Variants in IBSP observed in about 807,000 individuals in gnomAD.
IBSP encodes integrin-binding sialoprotein.
In IBSP, 19 loss-of-function variants were observed where a neutral mutation model predicts 25.5. The observed-to-expected ratio is 0.74, with a 90% confidence interval of 0.52 to 1.09. The LOEUF (loss-of-function observed/expected upper bound fraction) is 1.09, where lower values mean the gene tolerates loss of function less well. Ranked by LOEUF, IBSP falls within the 50% of genes least tolerant of loss-of-function variation. The pLI, the probability that IBSP is intolerant of heterozygous loss-of-function variation, is 0.00. For missense variants in IBSP, 360 were observed against 382.3 expected (o/e 0.94, Z 0.49); for synonymous variants, 144 against 137.6 (o/e 1.05, Z -0.33).
intron 4 of IBSP, among the ~76,000 whole-genome samples, chr4:87,804,773 A>C (rs1015618749): frequency 6.6e-6 from 1 of 152,206 alleles, no homozygotes; most frequent in Non-Finnish European, 1.5e-5. Flanking sequence ...ACAGCTTTTA[A>C]AGTGTTCTCA....
intron 1 of IBSP, among the ~76,000 whole-genome samples, chr4:87,800,516 A>G (rs1721998218): frequency 6.6e-6 from 1 of 152,170 alleles, no homozygotes; most frequent in Non-Finnish European, 1.5e-5. Context: ...GGGCTTGGTC[A>G]CGGCTGGCAA....
chr4:87,810,830 T>G, intron 6 of IBSP, 66 bp downstream of exon 6: 1 of 1,431,628 alleles, frequency 7.0e-7, no homozygotes, highest in Non-Finnish European at 9.7e-7. Context: ...ATGTTCAATC[T>G]TTTTTAAACT....
At position 87,811,461 on chromosome 4, in the gene IBSP, G is replaced by T. The variant is rs1560528389; in HGVS notation, c.505G>T (p.Val169Leu). Residue 169 changes from valine to leucine, a missense_variant, in exon 7 of 7, where the codon GTG becomes TTG. Val to Leu is a conservative substitution (Grantham distance 32). Transcript: ENST00000226284. Reference sequence around the variant, plus strand: ...TGAAAACGAAGAAAGCGAAGCAGAAGTGGATGAAAACGAACAAGGCATAAA... The same window carrying T: ...TGAAAACGAAGAAAGCGAAGCAGAATTGGATGAAAACGAACAAGGCATAAA... ...GNENEESEAE[V>L]DENEQGINGT... The T allele has an allele frequency of 1.2e-6, 2 of 1,614,002 alleles. No individual in the cohort carries two copies. Among genetic ancestry groups the T allele is most frequent in the Non-Finnish European group, 1.7e-6 (2 of 1,179,960 alleles).
intron 5 of IBSP, among the ~76,000 whole-genome samples, chr4:87,808,392 A>G (rs1163680816): frequency 6.6e-6 from 1 of 152,138 alleles, no homozygotes; most frequent in Non-Finnish European, 1.5e-5. Context: ...CATGTTAGCC[A>G]GGATGGTCTT....
At chr4:87,810,293 T>C (rs1158894397) in intron 5 of IBSP, among the ~76,000 whole-genome samples, 1 of 152,206 alleles carries the variant, frequency 6.6e-6, no homozygotes, top group Non-Finnish European at 1.5e-5. Flanking sequence ...GAGTGTTTAG[T>C]TTCTTCTTTG....
Position 87,811,976 on chromosome 4 carries a change from C to T in IBSP, c.*66C>T, listed in dbSNP as rs1203083236. On this transcript the variant is annotated 3_prime_UTR_variant, in exon 7 of 7. Coordinates refer to ENST00000226284, the MANE Select transcript of IBSP (RefSeq NM_004967.4). The stretch of plus-strand genomic sequence containing the variant: ...TCCGGCTACCATTTTCGAAGTTCAA[C>T]TCAGGAAGGTGCAATATAACAAATG... The T allele has an allele frequency of 6.3e-6, 8 of 1,271,246 alleles. No homozygotes were observed. The African/African-American group carries it at 1.2e-4, about 19-fold the overall frequency. 78.7% of individuals were successfully genotyped at this position (1,271,246 alleles called of 1,614,324 possible). A position where few individuals can be genotyped will look rare whatever the true frequency, so the allele number is the denominator to read the frequency against.
intron 5 of IBSP, 139 bp from the exon 6 acceptor site, chr4:87,810,467 A>G (rs1722155094): frequency 1.6e-6 from 1 of 644,854 alleles, no homozygotes; most frequent in Non-Finnish European, 2.7e-6. Context: ...AGGGGAAGGC[A>G]GGCTTTGAGT....
Position 87,802,600 on chromosome 4 carries a change from C to T in IBSP, c.105+42C>T, listed in dbSNP as rs1356404713. The T allele has an allele frequency of 2.5e-6, 4 of 1,571,916 alleles. No individual in the cohort carries two copies. In the South Asian group the frequency reaches 3.5e-5, roughly 14 times the overall value. ...TACTTCCTTGGCCTGATTATACTTGCTGTATATTTATTGCATATTAAACAT... is the reference window on the plus strand; with the variant it reads ...TACTTCCTTGGCCTGATTATACTTGTTGTATATTTATTGCATATTAAACAT... On this transcript the variant is annotated intron_variant, in intron 3 of 6. Coordinates refer to ENST00000226284, the MANE Select transcript of IBSP (RefSeq NM_004967.4).
At chr4:87,803,689 C>A (rs974995605) in intron 4 of IBSP, among the ~76,000 whole-genome samples, 2 of 152,126 alleles carry the variant, frequency 1.3e-5, no homozygotes, top group Admixed American at 1.3e-4. Flanking sequence ...AGGAAATGAT[C>A]ATTTTAAAGT....
intron 1 of IBSP, among the ~76,000 whole-genome samples, chr4:87,801,581 AT>A (rs1194911661): frequency 6.6e-6 from 1 of 151,866 alleles, no homozygotes; most frequent in Non-Finnish European, 1.5e-5. Context: ...CCTACTTTCC[AT>A]TTTACAAATA....
intron 4 of IBSP, among the ~76,000 whole-genome samples, chr4:87,804,112 G>A (rs1232929733): frequency 6.6e-6 from 1 of 152,048 alleles, no homozygotes; most frequent in Non-Finnish European, 1.5e-5. Flanking sequence ...ATGCAGATAG[G>A]CCCATCTCAA....
chr4:87,806,299 C>T, intron 5 of IBSP, 115 bp downstream of exon 5: 1 of 743,606 alleles, frequency 1.3e-6, no homozygotes, highest in Non-Finnish European at 2.3e-6. Context: ...ACTAACTGCC[C>T]ATAATATCCT....
chr4:87,801,894 C>T (rs1236082024), intron 1 of IBSP, among the ~76,000 whole-genome samples: 4 of 152,142 alleles, frequency 2.6e-5, no homozygotes, highest in Non-Finnish European at 5.9e-5. Context: ...ACCTTGGCCT[C>T]CCAAAGTACT....
chr4:87,802,762 T>C (rs1560526210), intron 4 of IBSP, 31 bp downstream of exon 4: 3 of 1,352,692 alleles, frequency 2.2e-6, no homozygotes, highest in Non-Finnish European at 3.0e-6. Flanking sequence ...TTCTTCAGTT[T>C]AATTTCTATT....
intron 1 of IBSP, among the ~76,000 whole-genome samples, chr4:87,801,052 A>G (rs998223948): frequency 4.6e-5 from 7 of 152,146 alleles, no homozygotes; most frequent in Non-Finnish European, 8.8e-5. Context: ...TATTAAATAG[A>G]ATAAAATTAA....
At position 87,811,792 on chromosome 4, in the gene IBSP, A is replaced by C. The variant is rs1293519864; in HGVS notation, c.836A>C (p.Glu279Ala). 4.3e-6 allele frequency: 7 copies of C among 1,613,616 alleles called. No individual in the cohort carries two copies. Among genetic ancestry groups the C allele is most frequent in the Non-Finnish European group, 5.9e-6 (7 of 1,179,754 alleles). ...TACGACAATGGATATGAAATCTATG[A>C]AAGTGAGAACGGGGAACCTCGTGGG... is the stretch of plus-strand genomic sequence containing the variant. ...NEYDNGYEIYESENGEPRGDN... is the reference protein window; with the variant it reads ...NEYDNGYEIYASENGEPRGDN... Residue 279 changes from glutamate (E) to alanine (A), a missense_variant, in exon 7 of 7, where the codon GAA (glutamate) becomes GCA (alanine). Transcript: ENST00000226284.
intron 4 of IBSP, among the ~76,000 whole-genome samples, chr4:87,805,532 TATTAA>T (rs568199648): frequency 2.5e-3 from 379 of 152,338 alleles, no homozygotes; most frequent in Admixed American, 4.9e-3. Flanking sequence ...AATTAAATGC[TATTAA>T]ATTAAGTGCT....
chr4:87,802,311 T>C (rs1296960636), intron 1 of IBSP, 37 bp from the exon 2 acceptor site: 6 of 1,302,982 alleles, frequency 4.6e-6, no homozygotes, highest in Admixed American at 2.2e-5. Flanking sequence ...CTCTTAGTTT[T>C]AATATTTTAT....
Position 87,811,583 on chromosome 4 carries a change from C to A in IBSP, c.627C>A (p.Ala209=). The A allele has an allele frequency of 6.2e-7, 1 of 1,613,616 alleles. No homozygotes were observed. Among genetic ancestry groups the A allele is most frequent in the Non-Finnish European group, 8.5e-7 (1 of 1,179,842 alleles). ...EEGEEESVTG[A]NAEDTTETGR... Reference sequence around the variant, plus strand: ...GGGAAGAAGAAAGTGTCACTGGAGCCAATGCAGAAGACACCACAGAGACCG... The same window carrying A: ...GGGAAGAAGAAAGTGTCACTGGAGCAAATGCAGAAGACACCACAGAGACCG... Residue 209 remains alanine, a synonymous_variant, in exon 7 of 7, where the codon GCC becomes GCA. Transcript: ENST00000226284.
Sources: allele counts gnomAD v4.1 joint callset (sites outside exome capture counted in the v4.1 genomes callset), GRCh38; gene constraint gnomAD v4.1.1; transcripts MANE v1.5; gene names NCBI Gene and HGNC (gene_info 2026-07-23, HGNC 2026-07-21).